NCF2: variants seen among roughly 807,000 people sequenced by gnomAD.
The protein encoded by NCF2 is neutrophil cytosolic factor 2.
A neutral mutation model predicts 70.9 loss-of-function variants in NCF2; 45 were observed. The ratio of observed to expected loss-of-function variants is 0.63; its 90% CI spans 0.50 to 0.81. The LOEUF is 0.81. NCF2 is among the 40% of genes least tolerant of loss of function. The probability of loss-of-function intolerance (pLI) is 0.00; values close to 1 mark genes in which losing one functional copy is unlikely to be tolerated. For missense variants in NCF2, 522 were observed against 631.6 expected, an observed-to-expected ratio of 0.83 and a Z score of 1.86; for synonymous variants, 203 against 233.6, an observed-to-expected ratio of 0.87 and a Z score of 1.19.
In NCF2 at chr1:183,555,902, C is replaced by T. The variant is rs571212408; in HGVS notation, c.*216G>A. ...ATCCACTTTTCCTCTCCCCTAACTC[C>T]TCCATTCACCTGTCCCCATCTCCTC... On this transcript the variant is annotated 3_prime_UTR_variant, in exon 15 of 15. Transcript: ENST00000367535. The T allele has an allele frequency of 1.8e-4, 109 of 605,414 alleles. 1 individual carries two copies. The highest frequency in any genetic ancestry group is 1.7e-3 in the African/African-American group (93 of 54,162). The allele number at this position is 605,414 out of a possible 1,614,324, so 37.5% of individuals were successfully genotyped here.
chr1:183,570,693 A>C, intron 6 of NCF2, 87 bp downstream of exon 6: 1 of 1,402,826 alleles, frequency 7.1e-7, no homozygotes. Flanking sequence ...ACAATCAGGC[A>C]ACTCAGCACA....
intron 10 of NCF2, 128 bp from the exon 11 acceptor site, chr1:183,564,158 G>T: frequency 2.1e-6 from 2 of 936,498 alleles, no homozygotes; most frequent in Non-Finnish European, 1.8e-6. Flanking sequence ...AATTTGTGGG[G>T]CAATTATTAA....
intron 14 of NCF2, among the ~76,000 whole-genome samples, chr1:183,559,628 G>A (rs1395054393): frequency 6.6e-6 from 1 of 152,152 alleles, no homozygotes; most frequent in Non-Finnish European, 1.5e-5. Flanking sequence ...GGAGGCCGAG[G>A]CAGTTGGATC....
At chr1:183,579,452 C>T (rs369082784) in intron 2 of NCF2, among the ~76,000 whole-genome samples, 5 of 152,008 alleles carry the variant, frequency 3.3e-5, no homozygotes, top group South Asian at 2.1e-4. Context: ...TAAGGCCGGG[C>T]GCAGTGGCTC....
At chr1:183,598,397 A>G in the NCF2 span, among the ~76,000 whole-genome samples, 1 of 152,078 alleles carries the variant, frequency 6.6e-6, no homozygotes, top group Non-Finnish European at 1.5e-5. Flanking sequence ...ACCATGTGTT[A>G]CTCAGGAATA....
At chr1:183,591,955 A>G (rs1461513486), upstream of NCF2, among the ~76,000 whole-genome samples, 1 of 152,226 alleles carries the variant, frequency 6.6e-6, no homozygotes, top group African/African-American at 2.4e-5. Context: ...TAGTCTCTGA[A>G]AAAACAGATT....
At chr1:183,589,222 A>G (rs34459587) in intron 1 of NCF2, among the ~76,000 whole-genome samples, 28,665 of 152,188 alleles carry the variant, frequency 0.19, 4,563 homozygotes, top group African/African-American at 0.44. Flanking sequence ...TGGGGAGTCA[A>G]CCACTGCCAC....
At chr1:183,587,595 C>CAAAA (rs11287969) in intron 1 of NCF2, among the ~76,000 whole-genome samples, 650 of 41,862 alleles carry the variant, frequency 0.016, 23 homozygotes, top group East Asian at 0.025. Context: ...CACCCTGTCT[C>CAAAA]AAAAAAAAAA....
intron 2 of NCF2, among the ~76,000 whole-genome samples, chr1:183,584,927 T>A (rs1673275109): frequency 6.6e-6 from 1 of 152,066 alleles, no homozygotes; most frequent in Admixed American, 6.6e-5. Flanking sequence ...AAAGTCACAA[T>A]AAATATGTCA....
chr1:183,573,086 G>A (rs1434270166), intron 5 of NCF2, 99 bp downstream of exon 5: 23 of 1,088,906 alleles, frequency 2.1e-5, no homozygotes, highest in Non-Finnish European at 2.8e-6. Flanking sequence ...CAGGGACAGA[G>A]CCACAAGGAG....
chr1:183,599,428 T>TTCTTTCTTTCTTTCTTTCTTTC, the NCF2 span, among the ~76,000 whole-genome samples: 2 of 79,332 alleles, frequency 2.5e-5, no homozygotes, highest in African/African-American at 4.4e-5. Context: ...CTTTCCTTCT[T>TTCTTTCTTTCTTTCTTTCTTTC]TCTTTCTTTC....
chr1:183,594,792 CTTTT>C (rs75499535), upstream of NCF2, among the ~76,000 whole-genome samples: 5 of 151,712 alleles, frequency 3.3e-5, no homozygotes, highest in Non-Finnish European at 5.9e-5. Flanking sequence ...CAAGACCCTC[CTTTT>C]TTTTTCTGAG....
chr1:183,593,503 A>G (rs1386225110), upstream of NCF2, among the ~76,000 whole-genome samples: 1 of 152,000 alleles, frequency 6.6e-6, no homozygotes, highest in African/African-American at 2.4e-5. Context: ...CTCTCCCAAG[A>G]ACTCCAGCTA....
At chr1:183,575,138 G>A (rs552643186) in intron 3 of NCF2, among the ~76,000 whole-genome samples, 2 of 152,204 alleles carry the variant, frequency 1.3e-5, no homozygotes, top group Non-Finnish European at 2.9e-5. Flanking sequence ...ACCAGCACCA[G>A]CAGAACCTGG....
At position 183,579,779 on chromosome 1, in the gene NCF2, C is replaced by T. The variant is rs1672977445; in HGVS notation, c.258-2072G>A. ...AAAAAAAAAAAGAGAATAATAACAG[C>T]ATATACCTCACAGGTTCATTGTGAG... On this transcript the variant is annotated intron_variant, in intron 2 of 14. Coordinates refer to ENST00000367535, the MANE Select transcript of NCF2 (RefSeq NM_000433.4). Among the ~76,000 whole-genome samples, 5 of 147,348 alleles carry T rather than the reference C, an allele frequency of 3.4e-5. No individual in the cohort carries two copies. In the South Asian group the frequency reaches 1.1e-3, roughly 32 times the overall value.
chr1:183,564,106 G>C (rs1672201653), intron 10 of NCF2, 76 bp from the exon 11 acceptor site: 3 of 1,415,014 alleles, frequency 2.1e-6, no homozygotes, highest in Non-Finnish European at 3.0e-6. Flanking sequence ...GCCACACACA[G>C]ATGAAACCTC....
intron 9 of NCF2, among the ~76,000 whole-genome samples, chr1:183,566,507 G>A (rs1431736135): frequency 1.3e-5 from 2 of 152,214 alleles, no homozygotes; most frequent in African/African-American, 2.4e-5. Context: ...GCCTTCCAAA[G>A]TGCTAGGATT....
Position 183,581,700 on chromosome 1 carries a change from G to T in NCF2, c.258-3993C>A, listed in dbSNP as rs1256059150. ...TTTTTTTTTTTTGAGACAGAGTCTC[G>T]CTCTGTTGCCCTGGCTGGAGTGCAG... On this transcript the variant is annotated intron_variant, in intron 2 of 14. Coordinates refer to ENST00000367535, the MANE Select transcript of NCF2 (RefSeq NM_000433.4). 2.7e-5 allele frequency among the ~76,000 whole-genome samples: 4 copies of T among 150,926 alleles called. No homozygotes were observed. In the East Asian group the frequency reaches 5.9e-4, roughly 22 times the overall value.
At chr1:183,569,705 C>T (rs1230116910) in intron 6 of NCF2, among the ~76,000 whole-genome samples, 1 of 152,210 alleles carries the variant, frequency 6.6e-6, no homozygotes, top group Non-Finnish European at 1.5e-5. Context: ...TCTCCTGCCT[C>T]AGCCTCCCAT....
Sources: gnomAD v4.1 joint callset for allele counts (sites outside exome capture counted in the v4.1 genomes callset) on GRCh38, gnomAD v4.1.1 for gene constraint, MANE v1.5 for transcripts, NCBI Gene and HGNC (gene_info 2026-07-23, HGNC 2026-07-21) for gene names.